NCKAP5: variants seen among roughly 807,000 people sequenced by gnomAD.
The protein encoded by NCKAP5 is nck-associated protein 5.
Under a neutral mutation model 167.0 loss-of-function variants are expected in NCKAP5, and 92 were observed. The observed-to-expected ratio is 0.55, with a 90% CI of 0.47 to 0.66. The LOEUF (loss-of-function observed/expected upper bound fraction) is 0.66. NCKAP5 is among the 30% of genes least tolerant of loss of function. The pLI, the probability that NCKAP5 is intolerant of heterozygous loss-of-function variation, is 0.00. For missense variants in NCKAP5, 2,378 were observed against 2,315.0 expected, an observed-to-expected ratio of 1.03 and a Z score of -0.56; for synonymous variants, 891 against 877.4, an observed-to-expected ratio of 1.02 and a Z score of -0.27.
chr2:133,283,290 T>A (rs1207791662), intron 4 of NCKAP5, among the ~76,000 whole-genome samples: 4 of 151,458 alleles, frequency 2.6e-5, no homozygotes, highest in Non-Finnish European at 4.4e-5. Flanking sequence ...GGAGAAATAG[T>A]TTTTTTTTAA....
At chr2:133,472,431 G>T (rs1057135160) in intron 3 of NCKAP5, among the ~76,000 whole-genome samples, 2 of 151,826 alleles carry the variant, frequency 1.3e-5, no homozygotes, top group African/African-American at 4.8e-5. Context: ...TTGGTGCAAT[G>T]GAGTTTTGGC....
chr2:132,931,835 G>A (rs1384943540), intron 8 of NCKAP5, among the ~76,000 whole-genome samples: 2 of 152,166 alleles, frequency 1.3e-5, no homozygotes, highest in African/African-American at 4.8e-5. Flanking sequence ...TGCAAAAAGA[G>A]TTGTGAAATT....
At chr2:132,866,961 G>T (rs1010359167) in intron 10 of NCKAP5, among the ~76,000 whole-genome samples, 11 of 152,222 alleles carry the variant, frequency 7.2e-5, no homozygotes, top group African/African-American at 2.4e-4. Context: ...TGCAGAACAT[G>T]ATTCTTTTGG....
At chr2:132,957,943 C>G (rs1362328738) in intron 8 of NCKAP5, among the ~76,000 whole-genome samples, 2 of 152,166 alleles carry the variant, frequency 1.3e-5, no homozygotes, top group African/African-American at 4.8e-5. Flanking sequence ...CTACACGGCT[C>G]TCTATACTCC....
chr2:133,401,900 C>T (rs1298393121), intron 3 of NCKAP5, among the ~76,000 whole-genome samples: 1 of 152,056 alleles, frequency 6.6e-6, no homozygotes, highest in African/African-American at 2.4e-5. Flanking sequence ...TTATCTTTTT[C>T]TAAACCTTCT....
chr2:132,816,390 C>T (rs1686272978), intron 11 of NCKAP5, among the ~76,000 whole-genome samples: 1 of 152,106 alleles, frequency 6.6e-6, no homozygotes, highest in Admixed American at 6.5e-5. Context: ...TTTGCCAATG[C>T]TGAGTCACAG....
At chr2:132,681,204 A>T (rs1685180607) in intron 19 of NCKAP5, among the ~76,000 whole-genome samples, 1 of 152,076 alleles carries the variant, frequency 6.6e-6, no homozygotes, top group Admixed American at 6.5e-5. Flanking sequence ...TGAGATGAGA[A>T]CTTCTAAATC....
intron 16 of NCKAP5, among the ~76,000 whole-genome samples, chr2:132,761,497 A>C (rs1240743750): frequency 6.6e-6 from 1 of 152,212 alleles, no homozygotes; most frequent in Non-Finnish European, 1.5e-5. Context: ...TGCTGTTCCT[A>C]GCCTGTGATG....
the NCKAP5 span, among the ~76,000 whole-genome samples, chr2:133,602,436 G>A: frequency 2.6e-5 from 4 of 152,286 alleles, no homozygotes; most frequent in South Asian, 8.3e-4. Flanking sequence ...ATGGTGAGAG[G>A]CTGAATGCAA....
intron 5 of NCKAP5, among the ~76,000 whole-genome samples, chr2:133,164,289 T>C (rs2083915075): frequency 6.6e-6 from 1 of 152,210 alleles, no homozygotes; most frequent in Admixed American, 6.5e-5. Context: ...TGCTTTTGTT[T>C]TGATATTCAA....
chr2:133,078,017 C>T (rs1353150511), intron 6 of NCKAP5, among the ~76,000 whole-genome samples: 1 of 152,180 alleles, frequency 6.6e-6, no homozygotes, highest in Non-Finnish European at 1.5e-5. Flanking sequence ...AAGAGACCAA[C>T]ATGCTGGTCC....
chr2:133,431,369 T>A (rs1393060740), intron 3 of NCKAP5, among the ~76,000 whole-genome samples: 1 of 152,166 alleles, frequency 6.6e-6, no homozygotes, highest in African/African-American at 2.4e-5. Flanking sequence ...TTACTGTATG[T>A]TGATACAACA....
chr2:132,766,153 G>A (rs760192109), intron 16 of NCKAP5, among the ~76,000 whole-genome samples: 1 of 151,804 alleles, frequency 6.6e-6, no homozygotes, highest in Non-Finnish European at 1.5e-5. Flanking sequence ...GGTGGTGCGT[G>A]TCTGCAATCC....
At chr2:133,093,057 TA>T (rs1235810798) in intron 6 of NCKAP5, among the ~76,000 whole-genome samples, 5 of 152,190 alleles carry the variant, frequency 3.3e-5, no homozygotes, top group Non-Finnish European at 7.3e-5. Context: ...GAAATAATAA[TA>T]ATCCCTTCCT....
At chr2:133,581,749 C>T in the NCKAP5 span, among the ~76,000 whole-genome samples, 7 of 152,104 alleles carry the variant, frequency 4.6e-5, no homozygotes, top group Non-Finnish European at 1.0e-4. Flanking sequence ...CAGACATGCC[C>T]CTGGAAATAT....
intron 6 of NCKAP5, among the ~76,000 whole-genome samples, chr2:133,121,056 T>TATAAATA (rs757081965): frequency 2.0e-5 from 3 of 152,148 alleles, no homozygotes; most frequent in Non-Finnish European, 4.4e-5. Context: ...CAGCGACCTT[T>TATAAATA]AACTCTTTAT....
intron 3 of NCKAP5, among the ~76,000 whole-genome samples, chr2:133,490,701 T>C (rs1263997461): frequency 6.6e-6 from 1 of 152,184 alleles, no homozygotes; most frequent in Non-Finnish European, 1.5e-5. Flanking sequence ...AGGCACCTCA[T>C]GGGCAATCAC....
At chr2:133,498,597 A>G (rs1230001921) in intron 3 of NCKAP5, among the ~76,000 whole-genome samples, 1 of 151,844 alleles carries the variant, frequency 6.6e-6, no homozygotes, top group Non-Finnish European at 1.5e-5. Context: ...GGGAGAAGGG[A>G]AAAATGGGAA....
chr2:132,869,583 C>T (rs1690637267), intron 9 of NCKAP5, among the ~76,000 whole-genome samples: 1 of 152,112 alleles, frequency 6.6e-6, no homozygotes, highest in Admixed American at 6.6e-5. Flanking sequence ...GTAACAAACC[C>T]AATCTTTTGG....
Sources: allele counts gnomAD v4.1 joint callset (sites outside exome capture counted in the v4.1 genomes callset), GRCh38; gene constraint gnomAD v4.1.1; transcripts MANE v1.5; gene names NCBI Gene and HGNC (gene_info 2026-07-23, HGNC 2026-07-21).